Variants in FCHO1 observed in about 807,000 individuals in gnomAD.
FCHO1 encodes FCH and mu domain containing endocytic adaptor 1.
Under a neutral mutation model 114.4 loss-of-function variants are expected in FCHO1, and 45 were observed. That is an observed-to-expected ratio of 0.39 (90% CI 0.31 to 0.50). FCHO1 has a LOEUF of 0.50. FCHO1 is among the 20% of genes least tolerant of loss of function. The pLI, the probability that FCHO1 is intolerant of heterozygous loss-of-function variation, is 0.77. For synonymous variants in FCHO1, 480 were observed against 488.9 expected (o/e 0.98, Z 0.24); for missense variants, 1,042 against 1,209.6 (o/e 0.86, Z 2.06).
chr19:17,768,011 C>A (rs944027355), intron 7 of FCHO1, among the ~76,000 whole-genome samples: 3 of 152,202 alleles, frequency 2.0e-5, no homozygotes, highest in Admixed American at 2.0e-4. Flanking sequence ...GTTCCAAAAT[C>A]TGCATGTTTT....
rs1323439763 is a variant in FCHO1, at chr19:17,762,799, G to A, written c.65G>A (p.Ser22Asn). 1 of 1,614,052 alleles carries A rather than the reference G, an allele frequency of 6.2e-7. No individual in the cohort carries two copies. Among genetic ancestry groups the A allele is most frequent in the African/African-American group, 1.3e-5 (1 of 75,024 alleles). ...KNHGFEVLYH[S>N]VKQGPISTKE... ...CATGGCTTTGAGGTCCTGTACCACAGCGTGAAGCAGGGGCCCATCTCCACC... is the reference window on the plus strand; with the variant it reads ...CATGGCTTTGAGGTCCTGTACCACAACGTGAAGCAGGGGCCCATCTCCACC... The change falls in exon 5 of 29, where the codon AGC (serine) becomes AAC (asparagine). Residue 22 changes from serine (S) to asparagine (N), a missense_variant. By Grantham distance (46) the Ser-to-Asn change is conservative (BLOSUM62 1). This residue lies in a region of FCHO1 where 450 missense variants were observed against 564.1 expected (regional missense o/e 0.80). Transcript: ENST00000596536.
Position 17,770,551 on chromosome 19 carries a change from A to G in FCHO1, c.463A>G (p.Ser155Gly). ...GGACCAGGAGCGGCTGCGGAGGGAGAGTACCAGCCAGAAGGAGATGGACAA... is the reference window on the plus strand; with the variant it reads ...GGACCAGGAGCGGCTGCGGAGGGAGGGTACCAGCCAGAAGGAGATGGACAA... ...CMDQERLRRE[S>G]TSQKEMDKAE... The change falls in exon 8 of 29, where the codon AGT (serine) becomes GGT (glycine). Residue 155 changes from serine to glycine, a missense_variant. Transcript: ENST00000596536. The G allele has an allele frequency of 6.2e-7, 1 of 1,612,944 alleles. No individual in the cohort carries two copies. Among genetic ancestry groups the G allele is most frequent in the Non-Finnish European group, 8.5e-7 (1 of 1,179,170 alleles).
At chr19:17,773,332 A>C (rs2092039059) in intron 11 of FCHO1, among the ~76,000 whole-genome samples, 1 of 152,222 alleles carries the variant, frequency 6.6e-6, no homozygotes, top group Non-Finnish European at 1.5e-5. Flanking sequence ...GATTTCATGC[A>C]GGTAAAGGGC....
chr19:17,785,613 C>G (rs2093806134), intron 26 of FCHO1, among the ~76,000 whole-genome samples: 1 of 152,048 alleles, frequency 6.6e-6, no homozygotes, highest in South Asian at 2.1e-4. Flanking sequence ...ATGGGCAGAT[C>G]ACGAGGTCAG....
chr19:17,771,278 T>C (rs1372332355), intron 9 of FCHO1, among the ~76,000 whole-genome samples: 4 of 149,824 alleles, frequency 2.7e-5, no homozygotes, highest in Non-Finnish European at 5.9e-5. Context: ...TTCAAGCAGA[T>C]TGGAATCTGA....
At chr19:17,759,944 C>T (rs1401353160) in intron 4 of FCHO1, among the ~76,000 whole-genome samples, 1 of 151,960 alleles carries the variant, frequency 6.6e-6, no homozygotes, top group Non-Finnish European at 1.5e-5. Context: ...TTTTTCTTAC[C>T]TTACTGCATT....
chr19:17,780,798 A>C lies in FCHO1; in HGVS notation c.1628-433A>C, dbSNP rs949183323. Among the ~76,000 whole-genome samples the C allele has an allele frequency of 5.3e-5, 8 of 152,298 alleles. No individual in the cohort carries two copies. The East Asian group carries it at 1.5e-3, about 29-fold the overall frequency. The stretch of plus-strand genomic sequence containing the variant: ...TAGATGGAACAGAACCAGGACCCTG[A>C]GGAAGCAGGAGAGGGAGGGGAGCTT... On this transcript the variant is annotated intron_variant, in intron 20 of 28. Coordinates refer to ENST00000596536, the MANE Select transcript of FCHO1 (RefSeq NM_015122.3).
At chr19:17,748,269 T>C (rs936261114), upstream of FCHO1, among the ~76,000 whole-genome samples, 2 of 151,980 alleles carry the variant, frequency 1.3e-5, no homozygotes, top group African/African-American at 4.8e-5. Context: ...CCCCTTCCCT[T>C]TTCCTCCACT....
upstream of FCHO1, among the ~76,000 whole-genome samples, chr19:17,749,529 A>G (rs79597352): frequency 0.027 from 4,088 of 152,224 alleles, 181 homozygotes; most frequent in African/African-American, 0.094. Context: ...AAAGTTGGGT[A>G]CACAGTAGGC....
rs775480992 is a variant in FCHO1 at position 17,764,364 on chromosome 19, C to T, written c.120-11C>T. The T allele has an allele frequency of 1.9e-6, 3 of 1,613,490 alleles. No individual in the cohort carries two copies. The highest frequency in any genetic ancestry group is 1.7e-6 in the Non-Finnish European group (2 of 1,179,854). On this transcript the variant is annotated splice_polypyrimidine_tract_variant and intron_variant, in intron 5 of 28. Coordinates refer to ENST00000596536, the MANE Select transcript of FCHO1 (RefSeq NM_015122.3). ...GCAGTTTCTCCATCTTTACCTCATT[C>T]TCCTCCCCAGGGCCACCATCGAGGA...
intron 4 of FCHO1, among the ~76,000 whole-genome samples, chr19:17,756,370 G>A (rs117395202): frequency 0.033 from 4,971 of 152,304 alleles, 117 homozygotes; most frequent in Non-Finnish European, 0.047. Context: ...AAAGTCACCT[G>A]CATTTTGGAA....
At chr19:17,760,560 A>C (rs2085721999) in intron 4 of FCHO1, among the ~76,000 whole-genome samples, 1 of 152,246 alleles carries the variant, frequency 6.6e-6, no homozygotes, top group Non-Finnish European at 1.5e-5. Context: ...AGCAAATTTA[A>C]AACAAATGCT....
intron 19 of FCHO1, 148 bp from the exon 20 acceptor site, chr19:17,778,461 C>G: frequency 2.1e-6 from 2 of 948,920 alleles, no homozygotes; most frequent in Non-Finnish European, 3.1e-6. Context: ...AGGGAAGTCA[C>G]CAGAAGGTGT....
chr19:17,788,299 G>T lies in FCHO1; in HGVS notation c.2663G>T (p.Ser888Ile). ...ACCCCCACAGGGATGTACCTGGTGA[G>T]CTGCTGAACCCGCAAATGCTGCTGC... ...RRFATGMYLV[S>I]C Residue 888 changes from serine to isoleucine, a missense_variant, in exon 29 of 29, where the codon AGC (serine) becomes ATC (isoleucine). Physicochemically the swap from Ser to Ile is moderately radical, Grantham distance 142. Coordinates refer to ENST00000596536, the MANE Select transcript of FCHO1 (RefSeq NM_015122.3). 2 of 1,599,406 alleles carry T rather than the reference G, an allele frequency of 1.3e-6. No homozygotes were observed. The highest frequency in any genetic ancestry group is 1.7e-6 in the Non-Finnish European group (2 of 1,172,888).
At chr19:17,755,221 T>C in intron 4 of FCHO1, 30 bp downstream of exon 4, 1 of 1,592,902 alleles carries the variant, frequency 6.3e-7, no homozygotes, top group Non-Finnish European at 8.6e-7. Flanking sequence ...AGGCGGGGGA[T>C]GCTGGCAGGG....
Position 17,781,825 on chromosome 19 carries a change from C to A in FCHO1, c.1937+5C>A. 6.4e-7 allele frequency: 1 copy of A among 1,571,660 alleles called. No individual in the cohort carries two copies. Among genetic ancestry groups the A allele is most frequent in the Admixed American group, 1.9e-5 (1 of 53,478 alleles). ...CTTCCGTGGCCACAGCCCCAGGTAC[C>A]CAGTGATGGGCAGACAGGGCCCGTG... On this transcript the variant is annotated splice_donor_5th_base_variant and intron_variant, in intron 23 of 28. Transcript: ENST00000596536.
intron 26 of FCHO1, among the ~76,000 whole-genome samples, chr19:17,785,977 T>TA (rs201200972): frequency 3.4e-5 from 5 of 146,386 alleles, no homozygotes; most frequent in African/African-American, 5.1e-5. Context: ...AAACAAAAAT[T>TA]TAAAAAAAAA....
chr19:17,772,817 A>T, intron 11 of FCHO1, 76 bp downstream of exon 11: 1 of 1,090,870 alleles, frequency 9.2e-7, no homozygotes, highest in Non-Finnish European at 1.4e-6. Flanking sequence ...ATGCCCAGCT[A>T]ATTTTTTTTT....
chr19:17,780,860 G>A (rs1490699379), intron 20 of FCHO1, among the ~76,000 whole-genome samples: 1 of 152,216 alleles, frequency 6.6e-6, no homozygotes, highest in Non-Finnish European at 1.5e-5. Flanking sequence ...ACAGACCACA[G>A]TAGGTGGCTG....
Sources: gnomAD v4.1 joint callset for allele counts (sites outside exome capture counted in the v4.1 genomes callset) on GRCh38, gnomAD v4.1.1 for gene constraint, gnomAD v4.1.1 regional missense constraint, MANE v1.5 for transcripts, NCBI Gene and HGNC (gene_info 2026-07-23, HGNC 2026-07-21) for gene names.